Variants in TSPAN9 observed in about 807,000 individuals in gnomAD.
The protein encoded by TSPAN9 is tetraspanin 9.
Under a neutral mutation model 31.0 loss-of-function variants are expected in TSPAN9, and 16 were observed. The ratio of observed to expected loss-of-function variants is 0.52; its 90% CI spans 0.35 to 0.78. The LOEUF is 0.78. Ranked by LOEUF, TSPAN9 falls within the 30% of genes least tolerant of loss-of-function variation. The pLI is 0.01. For missense variants in TSPAN9, 272 were observed against 312.5 expected (o/e 0.87, Z 0.98); for synonymous variants, 145 against 121.6 (o/e 1.19, Z -1.27).
chr12:3,175,122 G>A (rs1239358493), intron 2 of TSPAN9, among the ~76,000 whole-genome samples: 1 of 129,352 alleles, frequency 7.7e-6, no homozygotes, highest in Non-Finnish European at 1.9e-5. Flanking sequence ...GCGAGGCTGG[G>A]GGCATCATTT....
intron 2 of TSPAN9, among the ~76,000 whole-genome samples, chr12:3,167,887 A>G (rs2098349392): frequency 6.6e-6 from 1 of 152,128 alleles, no homozygotes; most frequent in Admixed American, 6.5e-5. Context: ...ATCTGGGGCA[A>G]TGTGCCTGTT....
intron 2 of TSPAN9, chr12:3,173,581 G>T (rs937811797): frequency 6.6e-6 from 1 of 152,184 alleles, no homozygotes; most frequent in African/African-American, 2.4e-5. Context: ...CTGTAGCCTT[G>T]ACCTCCTAGG....
At chr12:3,203,425 G>T (rs77178825) in intron 3 of TSPAN9, among the ~76,000 whole-genome samples, 1 of 152,184 alleles carries the variant, frequency 6.6e-6, no homozygotes, top group Non-Finnish European at 1.5e-5. Flanking sequence ...AAGGCTCTCC[G>T]AGCGCCATAG....
chr12:3,185,127 T>C (rs896018977), intron 2 of TSPAN9, among the ~76,000 whole-genome samples: 1 of 152,236 alleles, frequency 6.6e-6, no homozygotes, highest in Non-Finnish European at 1.5e-5. Flanking sequence ...AGCATGCATT[T>C]GGAAGCAGTC....
intron 3 of TSPAN9, among the ~76,000 whole-genome samples, chr12:3,241,625 G>A (rs116646608): frequency 0.075 from 11,469 of 152,294 alleles, 526 homozygotes; most frequent in Middle Eastern, 0.14. Flanking sequence ...TTCCTTCTGG[G>A]CTCGTTTCTT....
intron 3 of TSPAN9, among the ~76,000 whole-genome samples, chr12:3,221,352 A>ATTTT (rs200531623): frequency 5.3e-5 from 7 of 131,684 alleles, no homozygotes; most frequent in Admixed American, 7.9e-5. Context: ...TATTTAAAAT[A>ATTTT]TTTTTCTCTT....
chr12:3,199,494 GAGCAAA>G (rs1237882934), intron 2 of TSPAN9, among the ~76,000 whole-genome samples: 1 of 152,222 alleles, frequency 6.6e-6, no homozygotes, highest in Non-Finnish European at 1.5e-5. Flanking sequence ...CCCAAGCCCC[GAGCAAA>G]AGCTCGTTTC....
At chr12:3,151,717 G>A (rs1039077026) in intron 2 of TSPAN9, among the ~76,000 whole-genome samples, 9 of 152,256 alleles carry the variant, frequency 5.9e-5, no homozygotes, top group African/African-American at 2.2e-4. Flanking sequence ...AACGTGAAAT[G>A]TCTCTTACTC....
chr12:3,145,693 C>T (rs552289146), intron 2 of TSPAN9, among the ~76,000 whole-genome samples: 3 of 152,242 alleles, frequency 2.0e-5, no homozygotes, highest in Admixed American at 6.5e-5. Context: ...GCTCATTCCT[C>T]ATTTTTCTGT....
chr12:3,082,868 T>G (rs2098298615), intron 1 of TSPAN9, among the ~76,000 whole-genome samples: 1 of 152,186 alleles, frequency 6.6e-6, no homozygotes, highest in Admixed American at 6.5e-5. Flanking sequence ...TTCCCTCTGA[T>G]GTTCTCCTTG....
At chr12:3,231,500 C>A (rs1216336147) in intron 3 of TSPAN9, among the ~76,000 whole-genome samples, 1 of 152,332 alleles carries the variant, frequency 6.6e-6, no homozygotes, top group South Asian at 2.1e-4. Context: ...TCGGCAGAGA[C>A]TGAGAGGGAG....
intron 2 of TSPAN9, among the ~76,000 whole-genome samples, chr12:3,153,473 A>G (rs2098340803): frequency 1.3e-5 from 2 of 152,142 alleles, no homozygotes; most frequent in Admixed American, 1.3e-4. Context: ...TTTCTTTAAC[A>G]TTTTAAGAAT....
Position 3,100,729 on chromosome 12 carries a change from G to C in TSPAN9, c.-18+17010G>C, listed in dbSNP as rs528845086. Among the ~76,000 whole-genome samples the C allele has an allele frequency of 2.0e-5, 3 of 152,234 alleles. 1 individual carries two copies. The South Asian group carries it at 6.2e-4, about 32-fold the overall frequency. The stretch of plus-strand genomic sequence containing the variant: ...TCTGCACTGGGGTGGGTGCCTCTAG[G>C]AAACACTCCTACAAGAACCCATAAG... On this transcript the variant is annotated intron_variant, in intron 2 of 8. Transcript: ENST00000011898.
intron 3 of TSPAN9, among the ~76,000 whole-genome samples, chr12:3,276,608 G>A (rs986065848): frequency 4.6e-5 from 7 of 152,078 alleles, no homozygotes; most frequent in Admixed American, 1.3e-4. Context: ...AGACACCTTC[G>A]CTGCCCACAC....
chr12:3,110,903 A>G (rs2098318236), intron 2 of TSPAN9, among the ~76,000 whole-genome samples: 2 of 152,208 alleles, frequency 1.3e-5, no homozygotes, highest in South Asian at 4.1e-4. Context: ...TTCAATTTTT[A>G]ACCAGGAGTT....
intron 3 of TSPAN9, among the ~76,000 whole-genome samples, chr12:3,224,768 C>T (rs1565621339): frequency 6.6e-6 from 1 of 152,366 alleles, no homozygotes; most frequent in East Asian, 1.9e-4. Flanking sequence ...TTGACGTCAG[C>T]ACGGGCCCCC....
At chr12:3,130,657 A>G (rs546731963) in intron 2 of TSPAN9, among the ~76,000 whole-genome samples, 1 of 152,148 alleles carries the variant, frequency 6.6e-6, no homozygotes, top group African/African-American at 2.4e-5. Flanking sequence ...CTGCTGCCTC[A>G]CCAGTGAGAT....
At chr12:3,089,156 T>C (rs555063992) in intron 2 of TSPAN9, among the ~76,000 whole-genome samples, 26 of 148,590 alleles carry the variant, frequency 1.7e-4, no homozygotes, top group East Asian at 1.5e-3. Flanking sequence ...GGCATGAACC[T>C]GGGAGGTGGA....
rs141352928 is a variant in TSPAN9, at chr12:3,267,073, A to T, written c.64-11348A>T. ...GAGGCAGCTCTGCCGAACGAGAGGC[A>T]CCCAGTCATGAAGTCTTCACTGTGT... is the stretch of plus-strand genomic sequence containing the variant. On this transcript the variant is annotated intron_variant, in intron 3 of 8. Coordinates refer to ENST00000011898, the MANE Select transcript of TSPAN9 (RefSeq NM_006675.5). Among the ~76,000 whole-genome samples the T allele has an allele frequency of 3.5e-3, 538 of 152,262 alleles. 3 individuals carry two copies. The highest frequency in any genetic ancestry group is 0.01 in the Middle Eastern group (3 of 292).
Sources: gnomAD v4.1 joint callset for allele counts (sites outside exome capture counted in the v4.1 genomes callset) on GRCh38, gnomAD v4.1.1 for gene constraint, MANE v1.5 for transcripts, NCBI Gene and HGNC (gene_info 2026-07-23, HGNC 2026-07-21) for gene names.